Variants in ZNF438 observed in about 807,000 individuals in gnomAD.
ZNF438 encodes the protein zinc finger protein 438.
Under a neutral mutation model 38.0 loss-of-function variants are expected in ZNF438, and 25 were observed. The observed-to-expected ratio is 0.66, with a 90% CI of 0.48 to 0.92. The LOEUF is 0.92. Among genes scored for constraint, ZNF438 ranks in the 40% least tolerant of loss-of-function variants. The pLI, the probability that ZNF438 is intolerant of heterozygous loss-of-function variation, is 0.00. For synonymous variants in ZNF438, 372 were observed against 364.1 expected (o/e 1.02, Z -0.25); for missense variants, 1,007 against 999.6 (o/e 1.01, Z -0.10).
intron 2 of ZNF438, chr10:30,910,500 A>C (rs2042968283): frequency 6.6e-6 from 1 of 152,158 alleles, no homozygotes; most frequent in Non-Finnish European, 1.5e-5. Flanking sequence ...CGAACACTTC[A>C]AAACCTGACT....
chr10:30,844,969 C>T (rs1173884587), exon 6 of ZNF438: 1 of 1,613,022 alleles, frequency 6.2e-7, no homozygotes, highest in South Asian at 1.1e-5. Flanking sequence ...TCTCATTTCT[C>T]AGCTTCACTG....
chr10:30,985,846 T>G lies in ZNF438; in HGVS notation c.-191-44195A>C, dbSNP rs530778964. ...ATTAGCTGATCAAACATAACCTCAT[T>G]TTATGTATATTTCTGTTTCAAGATA... On this transcript the variant is annotated intron_variant, in intron 1 of 5. Coordinates refer to ENST00000413025, the Ensembl canonical transcript of ZNF438. Among the ~76,000 whole-genome samples the G allele has an allele frequency of 3.9e-5, 6 of 152,284 alleles. No homozygotes were observed. The South Asian group carries it at 1.2e-3, about 32-fold the overall frequency.
At chr10:30,978,412 A>C (rs1589538621) in intron 1 of ZNF438, among the ~76,000 whole-genome samples, 1 of 152,236 alleles carries the variant, frequency 6.6e-6, no homozygotes, top group Non-Finnish European at 1.5e-5. Flanking sequence ...TTTGCTAGTA[A>C]AACAACTTTC....
chr10:30,894,677 A>AT (rs2041108654), intron 3 of ZNF438, among the ~76,000 whole-genome samples: 1 of 152,218 alleles, frequency 6.6e-6, no homozygotes, highest in Non-Finnish European at 1.5e-5. Flanking sequence ...GTAGGAAGAA[A>AT]AAAGGAACAA....
chr10:30,881,317 T>C (rs1741580686), intron 3 of ZNF438, among the ~76,000 whole-genome samples: 1 of 152,132 alleles, frequency 6.6e-6, no homozygotes, highest in Admixed American at 6.5e-5. Flanking sequence ...CAAAAATAAA[T>C]TATATTTTTG....
intron 3 of ZNF438, among the ~76,000 whole-genome samples, chr10:30,879,294 A>G (rs1172926365): frequency 1.3e-5 from 2 of 152,246 alleles, no homozygotes; most frequent in Non-Finnish European, 2.9e-5. Flanking sequence ...ACTTAATTCT[A>G]AACTGTGCAT....
At chr10:30,881,949 C>T (rs539307420) in intron 3 of ZNF438, among the ~76,000 whole-genome samples, 2 of 152,242 alleles carry the variant, frequency 1.3e-5, no homozygotes, top group African/African-American at 2.4e-5. Flanking sequence ...ATGTAAAACA[C>T]AAAACTTCTG....
intron 1 of ZNF438, among the ~76,000 whole-genome samples, chr10:30,994,704 A>T (rs1186380368): frequency 1.3e-5 from 2 of 152,168 alleles, no homozygotes; most frequent in Non-Finnish European, 2.9e-5. Context: ...AACAGATGCC[A>T]TTAGGAGAAA....
chr10:30,974,455 G>A (rs973696504), intron 1 of ZNF438, among the ~76,000 whole-genome samples: 1 of 152,138 alleles, frequency 6.6e-6, no homozygotes, highest in African/African-American at 2.4e-5. Context: ...CCTGGGTGAT[G>A]GAGTAAAATC....
At chr10:30,875,446 G>GAATGGAGTCC in intron 4 of ZNF438, 2 of 979,696 alleles carry the variant, frequency 2.0e-6, no homozygotes, top group Non-Finnish European at 2.4e-6. Context: ...GGCAGGTATG[G>GAATGGAGTCC]AATGGAGTCC....
rs2053651281 is a variant in ZNF438 at position 30,992,911 on chromosome 10, T to C, written c.-192+38922A>G. On this transcript the variant is annotated intron_variant, in intron 1 of 5. Transcript: ENST00000413025. ...CATGCCCTAGGGGTTTGTGGAATGC[T>C]GGACTTGAGAGTGATGAACTAGCAT... 2.0e-5 allele frequency among the ~76,000 whole-genome samples: 3 copies of C among 152,230 alleles called. No homozygotes were observed. The South Asian group carries it at 6.2e-4, about 31-fold the overall frequency.
At chr10:30,942,843 T>C (rs1024648993) in intron 1 of ZNF438, among the ~76,000 whole-genome samples, 4 of 152,248 alleles carry the variant, frequency 2.6e-5, no homozygotes, top group African/African-American at 9.6e-5. Flanking sequence ...AAAAGGTTTA[T>C]TTTAGAAGAG....
chr10:30,963,017 A>G (rs2049671399), intron 1 of ZNF438, among the ~76,000 whole-genome samples: 1 of 152,224 alleles, frequency 6.6e-6, no homozygotes, highest in African/African-American at 2.4e-5. Flanking sequence ...AATATAAATT[A>G]TATTCATTTT....
intron 1 of ZNF438, among the ~76,000 whole-genome samples, chr10:31,005,507 G>A (rs566427189): frequency 1.6e-4 from 24 of 152,228 alleles, no homozygotes; most frequent in African/African-American, 5.1e-4. Context: ...AGGGGTGGAC[G>A]GGGGAGAAAA....
At chr10:30,913,608 A>C (rs1246668996) in intron 2 of ZNF438, among the ~76,000 whole-genome samples, 1 of 152,024 alleles carries the variant, frequency 6.6e-6, no homozygotes. Flanking sequence ...TTTAGGGAGG[A>C]AGGAGGAAAG....
At chr10:30,866,689 C>G (rs969699226) in intron 4 of ZNF438, among the ~76,000 whole-genome samples, 1 of 152,048 alleles carries the variant, frequency 6.6e-6, no homozygotes, top group African/African-American at 2.4e-5. Context: ...AAAAAATTAG[C>G]CGAGCGTGGT....
intron 1 of ZNF438, among the ~76,000 whole-genome samples, chr10:30,961,160 AAAG>A (rs1396777492): frequency 2.7e-5 from 4 of 145,696 alleles, no homozygotes; most frequent in African/African-American, 9.7e-5. Context: ...AAAAAAAAAA[AAAG>A]TTTTTTTTAC....
exon 5 of ZNF438, chr10:30,849,121 C>T: frequency 6.2e-7 from 1 of 1,613,730 alleles, no homozygotes; most frequent in Non-Finnish European, 8.5e-7. Flanking sequence ...TTTTCAGGGT[C>T]CCCAGCTTTT....
rs778052431 is a variant in ZNF438 at position 30,848,528 on chromosome 10, C to A, written c.1874+3G>T. On this transcript the variant is annotated splice_donor_region_variant and intron_variant, in intron 5 of 5. Transcript: ENST00000413025. ...GCCAGGTCTCCATTACATTGGCACT[C>A]ACCTCTCCAATGATCCCTCCATGCC... 1 of 1,606,674 alleles carries A rather than the reference C, an allele frequency of 6.2e-7. No individual in the cohort carries two copies. The highest frequency in any genetic ancestry group is 8.5e-7 in the Non-Finnish European group (1 of 1,174,382).
Sources: gnomAD v4.1 joint callset for allele counts (sites outside exome capture counted in the v4.1 genomes callset) on GRCh38, gnomAD v4.1.1 for gene constraint, MANE v1.5 for transcripts, NCBI Gene and HGNC (gene_info 2026-07-23, HGNC 2026-07-21) for gene names.